Variants in C3orf70 observed in about 807,000 individuals in gnomAD.
The protein encoded by C3orf70 is UPF0524 protein C3orf70.
C3orf70 carries 15 observed loss-of-function variants against 20.7 expected under a neutral mutation model. The ratio of observed to expected loss-of-function variants is 0.72; its 90% CI spans 0.48 to 1.11. The LOEUF is 1.11. Among genes scored for constraint, C3orf70 ranks in the 50% most tolerant of loss-of-function variants. C3orf70 has a pLI of 0.00. For synonymous variants in C3orf70, 161 were observed against 125.7 expected (o/e 1.28, Z -1.88); for missense variants, 332 against 317.6 (o/e 1.05, Z -0.34).
chr3:185,108,476 T>C (rs999348766), intron 1 of C3orf70, among the ~76,000 whole-genome samples: 1 of 152,240 alleles, frequency 6.6e-6, no homozygotes, highest in Non-Finnish European at 1.5e-5. Context: ...ATTTACCCAA[T>C]TGCAAACAGC....
At chr3:185,113,897 C>T (rs904991438) in intron 1 of C3orf70, among the ~76,000 whole-genome samples, 1 of 152,108 alleles carries the variant, frequency 6.6e-6, no homozygotes, top group Non-Finnish European at 1.5e-5. Context: ...AAGTTGATTG[C>T]TCTAAGAAAA....
chr3:185,150,782 T>C (rs1187034526), intron 1 of C3orf70, among the ~76,000 whole-genome samples: 2 of 152,216 alleles, frequency 1.3e-5, no homozygotes, highest in Admixed American at 6.5e-5. Flanking sequence ...CCTTGGCACA[T>C]GTTCAGAAGA....
intron 1 of C3orf70, among the ~76,000 whole-genome samples, chr3:185,121,550 C>T (rs543307432): frequency 1.3e-5 from 2 of 152,112 alleles, no homozygotes; most frequent in South Asian, 2.1e-4. Context: ...GAACACTCAA[C>T]GCAGAGACAA....
chr3:185,107,627 G>C (rs1300227792), intron 1 of C3orf70, among the ~76,000 whole-genome samples: 4 of 152,190 alleles, frequency 2.6e-5, no homozygotes, highest in Non-Finnish European at 5.9e-5. Context: ...GGGGGCTTTA[G>C]AGAAATTAGT....
intron 1 of C3orf70, among the ~76,000 whole-genome samples, chr3:185,151,510 T>C (rs1270486331): frequency 6.6e-6 from 1 of 152,086 alleles, no homozygotes; most frequent in Non-Finnish European, 1.5e-5. Flanking sequence ...CATAAGCAAA[T>C]GGAACACCAG....
intron 1 of C3orf70, among the ~76,000 whole-genome samples, chr3:185,099,706 CAT>C (rs1374955362): frequency 6.6e-5 from 10 of 152,292 alleles, no homozygotes; most frequent in Non-Finnish European, 8.8e-5. Context: ...CAGATCCACA[CAT>C]GTCAATACTA....
At chr3:185,140,517 T>C (rs1002219652) in intron 1 of C3orf70, among the ~76,000 whole-genome samples, 3 of 152,180 alleles carry the variant, frequency 2.0e-5, no homozygotes, top group African/African-American at 7.2e-5. Context: ...ACACCTGTTG[T>C]GGGCTGCATG....
In C3orf70 at chr3:185,126,501, T is replaced by C. The variant is rs1716413909; in HGVS notation, c.196+26127A>G. ...CCCAAATAACTTCCCTGGGTGCCTC[T>C]AGATACAAGCAGCCAGGAAGAAATA... On this transcript the variant is annotated intron_variant, in intron 1 of 1. Coordinates refer to ENST00000335012, the MANE Select transcript of C3orf70 (RefSeq NM_001025266.3). Among the ~76,000 whole-genome samples, 3 of 152,124 alleles carry C rather than the reference T, an allele frequency of 2.0e-5. 1 individual carries two copies. In the South Asian group the frequency reaches 6.2e-4, roughly 32 times the overall value.
chr3:185,138,447 AT>A (rs200193466), intron 1 of C3orf70, among the ~76,000 whole-genome samples: 1,785 of 149,258 alleles, frequency 0.012, 28 homozygotes, highest in African/African-American at 0.036. Context: ...GACAGTAATA[AT>A]AAAAAAAAAA....
intron 1 of C3orf70, among the ~76,000 whole-genome samples, chr3:185,134,116 C>CTCATATATAT (rs71298571): frequency 8.2e-5 from 11 of 134,764 alleles, no homozygotes; most frequent in Non-Finnish European, 1.9e-4. Flanking sequence ...AAAAATACAT[C>CTCATATATAT]ATATATATAT....
At chr3:185,085,405 A>G (rs58036754) in intron 1 of C3orf70, among the ~76,000 whole-genome samples, 7,403 of 152,174 alleles carry the variant, frequency 0.049, 319 homozygotes, top group African/African-American at 0.12. Flanking sequence ...ACTCCTGCAC[A>G]AAAAAGCCAC....
intron 1 of C3orf70, among the ~76,000 whole-genome samples, chr3:185,121,480 A>G (rs1174533942): frequency 1.3e-5 from 2 of 152,132 alleles, no homozygotes; most frequent in African/African-American, 4.8e-5. Context: ...TGACAAGAGG[A>G]CTATTTATTA....
At chr3:185,092,679 G>A (rs1715617245) in intron 1 of C3orf70, among the ~76,000 whole-genome samples, 1 of 152,146 alleles carries the variant, frequency 6.6e-6, no homozygotes, top group African/African-American at 2.4e-5. Flanking sequence ...TGGTAAGAAA[G>A]TAAAGTCAGT....
chr3:185,087,118 C>T (rs942299160), intron 1 of C3orf70, among the ~76,000 whole-genome samples: 43 of 152,252 alleles, frequency 2.8e-4, no homozygotes, highest in South Asian at 8.3e-4. Context: ...AGGATTGAAA[C>T]GGGTTTCTGG....
chr3:185,103,400 C>T (rs924710681), intron 1 of C3orf70, among the ~76,000 whole-genome samples: 6 of 152,034 alleles, frequency 3.9e-5, no homozygotes, highest in Non-Finnish European at 5.9e-5. Context: ...AAACTATCAA[C>T]GGAGTAAACA....
chr3:185,125,482 A>T (rs778309090), intron 1 of C3orf70, among the ~76,000 whole-genome samples: 4 of 152,208 alleles, frequency 2.6e-5, no homozygotes, highest in Non-Finnish European at 5.9e-5. Flanking sequence ...TTTGTGACCT[A>T]GTAGTCCCCA....
chr3:185,151,908 G>A (rs1286514834), intron 1 of C3orf70, among the ~76,000 whole-genome samples: 1 of 152,228 alleles, frequency 6.6e-6, no homozygotes, highest in Non-Finnish European at 1.5e-5. Flanking sequence ...GCTAAACACA[G>A]AGAAAGGGTT....
chr3:185,135,446 C>T (rs1185628837), intron 1 of C3orf70, among the ~76,000 whole-genome samples: 3 of 152,078 alleles, frequency 2.0e-5, no homozygotes, highest in East Asian at 1.9e-4. Context: ...CATGATGAAA[C>T]CCTGTCTCTA....
intron 1 of C3orf70, among the ~76,000 whole-genome samples, chr3:185,134,111 TA>T (rs1324829562): frequency 7.5e-6 from 1 of 133,600 alleles, no homozygotes; most frequent in Non-Finnish European, 1.7e-5. Flanking sequence ...AGAAAAAAAA[TA>T]CATCATATAT....
Sources: gnomAD v4.1 joint callset for allele counts (sites outside exome capture counted in the v4.1 genomes callset) on GRCh38, gnomAD v4.1.1 for gene constraint, MANE v1.5 for transcripts, NCBI Gene and HGNC (gene_info 2026-07-23, HGNC 2026-07-21) for gene names.